The following TNR variants were observed in gnomAD, a reference collection of about 807,000 sequenced individuals.
TNR encodes the protein tenascin-R.
Under a neutral mutation model 150.4 loss-of-function variants are expected in TNR, and 45 were observed. The ratio of observed to expected loss-of-function variants is 0.30; its 90% CI spans 0.24 to 0.38. TNR has a LOEUF of 0.38. TNR is among the 10% of genes least tolerant of loss of function. The pLI is 1.00. For synonymous variants in TNR, 687 were observed against 678.4 expected (o/e 1.01, Z -0.20); for missense variants, 1,544 against 1,759.1 (o/e 0.88, Z 2.19).
rs1659851963 is a variant in TNR at position 175,526,500 on chromosome 1, T to C, written c.-64+1769A>G. On this transcript the variant is annotated intron_variant, in intron 2 of 22. Coordinates refer to ENST00000367674, the MANE Select transcript of TNR (RefSeq NM_003285.3). Reference sequence around the variant, plus strand: ...CTTATGGACACACACAAACCCAGTTTTAGGCTGCAAAACGGGAGAAAGTAG... The same window carrying C: ...CTTATGGACACACACAAACCCAGTTCTAGGCTGCAAAACGGGAGAAAGTAG... Among the ~76,000 whole-genome samples, 5 of 152,164 alleles carry C rather than the reference T, an allele frequency of 3.3e-5. No homozygotes were observed. In the South Asian group the frequency reaches 1.0e-3, roughly 32 times the overall value.
chr1:175,666,644 G>A (rs114653391), intron 1 of TNR, among the ~76,000 whole-genome samples: 2,851 of 152,328 alleles, frequency 0.019, 47 homozygotes, highest in Non-Finnish European at 0.029. Flanking sequence ...GGCTGGACCC[G>A]GGGTTGCCCC....
chr1:175,664,261 T>C (rs976330738), intron 1 of TNR, among the ~76,000 whole-genome samples: 3 of 152,192 alleles, frequency 2.0e-5, no homozygotes, highest in Non-Finnish European at 2.9e-5. Context: ...CCTGGGAGAA[T>C]AGGATGACCT....
At chr1:175,651,975 CA>C (rs1029205768) in intron 1 of TNR, among the ~76,000 whole-genome samples, 4 of 150,346 alleles carry the variant, frequency 2.7e-5, no homozygotes, top group Non-Finnish European at 5.9e-5. Flanking sequence ...TTAATATATT[CA>C]AAAAAGGCAT....
chr1:175,716,107 C>T (rs530334146), intron 1 of TNR, among the ~76,000 whole-genome samples: 1 of 152,300 alleles, frequency 6.6e-6, no homozygotes, highest in South Asian at 2.1e-4. Flanking sequence ...TGCTTCTAAG[C>T]TCCTCTTTGT....
intron 2 of TNR, among the ~76,000 whole-genome samples, chr1:175,492,595 T>C (rs1338006108): frequency 2.0e-5 from 3 of 152,140 alleles, no homozygotes; most frequent in East Asian, 1.9e-4. Context: ...CCTAAGTTGA[T>C]TTTTGGGGGG....
At chr1:175,626,704 G>A (rs1201785150) in intron 1 of TNR, among the ~76,000 whole-genome samples, 1 of 152,140 alleles carries the variant, frequency 6.6e-6, no homozygotes, top group African/African-American at 2.4e-5. Context: ...GTTACCTATT[G>A]TGGTAGATTC....
chr1:175,480,431 G>GAAAGAAAGAAAGAAAGAAAGAAAGAAAA (rs1435606440), intron 2 of TNR, among the ~76,000 whole-genome samples: 1 of 140,350 alleles, frequency 7.1e-6, no homozygotes, highest in African/African-American at 2.5e-5. Context: ...AAGAAAGAAA[G>GAAAGAAAGAAAGAAAGAAAGAAAGAAAA]AAAGAAAGAA....
chr1:175,446,964 G>T (rs372466891), intron 2 of TNR, among the ~76,000 whole-genome samples: 1 of 151,968 alleles, frequency 6.6e-6, no homozygotes, highest in Non-Finnish European at 1.5e-5. Flanking sequence ...AAATGTGTAC[G>T]TGTGTATGTG....
chr1:175,496,987 T>C (rs1011952146), intron 2 of TNR, among the ~76,000 whole-genome samples: 13 of 152,236 alleles, frequency 8.5e-5, no homozygotes, highest in Non-Finnish European at 1.5e-4. Flanking sequence ...CTTCAAGTCA[T>C]GCCTGTCCAG....
chr1:175,355,906 T>A (rs1651303056), intron 16 of TNR, among the ~76,000 whole-genome samples: 1 of 152,210 alleles, frequency 6.6e-6, no homozygotes, highest in Admixed American at 6.5e-5. Context: ...ATGCCTGAGA[T>A]CTGGACCCTG....
chr1:175,520,674 TTC>T (rs555130537), intron 2 of TNR, among the ~76,000 whole-genome samples: 13 of 150,672 alleles, frequency 8.6e-5, no homozygotes, highest in Admixed American at 1.3e-4. Context: ...TTTCCTGCTC[TTC>T]TCTCTCTCTC....
chr1:175,591,127 C>T (rs148797695), intron 1 of TNR, among the ~76,000 whole-genome samples: 159 of 152,278 alleles, frequency 1.0e-3, no homozygotes, highest in Middle Eastern at 3.4e-3. Context: ...ATCCTCCTGG[C>T]CACCTCCTCT....
At chr1:175,624,175 G>T (rs946572385) in intron 1 of TNR, among the ~76,000 whole-genome samples, 1 of 152,020 alleles carries the variant, frequency 6.6e-6, no homozygotes, top group African/African-American at 2.4e-5. Flanking sequence ...CTTACATGGT[G>T]GTACCTCTTA....
intron 1 of TNR, among the ~76,000 whole-genome samples, chr1:175,653,923 C>T (rs1038582807): frequency 6.6e-6 from 1 of 152,072 alleles, no homozygotes; most frequent in African/African-American, 2.4e-5. Context: ...GGAATATATA[C>T]CTCATTTTTG....
rs1275761670 is a variant in TNR at position 175,315,587 on chromosome 1, T to C, written c.*7770A>G. On this transcript the variant is annotated 3_prime_UTR_variant, in exon 23 of 23. Coordinates refer to ENST00000367674, the MANE Select transcript of TNR (RefSeq NM_003285.3). The stretch of plus-strand genomic sequence containing the variant: ...ATGACAAACTCAAATTCAAAGGGAT[T>C]GGAGGATTTGGTGTTTATGATTTCT... 1 of 152,152 alleles carries C rather than the reference T, an allele frequency of 6.6e-6. No homozygotes were observed. Among genetic ancestry groups the C allele is most frequent in the East Asian group, 1.9e-4 (1 of 5,188 alleles). 9.4% of individuals were successfully genotyped at this position (152,152 alleles called of 1,614,324 possible). A position where few individuals can be genotyped will look rare whatever the true frequency, so the allele number is the denominator to read the frequency against.
intron 1 of TNR, among the ~76,000 whole-genome samples, chr1:175,632,610 T>G (rs779342669): frequency 3.3e-5 from 5 of 152,198 alleles, no homozygotes; most frequent in Non-Finnish European, 5.9e-5. Flanking sequence ...TATCTAATAA[T>G]TTACAATAAG....
At chr1:175,601,156 A>G (rs555614698) in intron 1 of TNR, among the ~76,000 whole-genome samples, 64 of 152,306 alleles carry the variant, frequency 4.2e-4, no homozygotes, top group African/African-American at 1.5e-3. Flanking sequence ...TGTTTAGCTG[A>G]CTTTGACAGT....
chr1:175,647,031 G>T (rs950115049), intron 1 of TNR, among the ~76,000 whole-genome samples: 4 of 152,218 alleles, frequency 2.6e-5, no homozygotes, highest in African/African-American at 9.6e-5. Flanking sequence ...CACCAGCAGA[G>T]GCCAGCCCTG....
chr1:175,361,907 C>T (rs2102010831), intron 14 of TNR, among the ~76,000 whole-genome samples: 1 of 152,322 alleles, frequency 6.6e-6, no homozygotes, highest in East Asian at 1.9e-4. Flanking sequence ...AAGGAGCCTT[C>T]TCTTCAGCCC....
Sources: allele counts gnomAD v4.1 joint callset (sites outside exome capture counted in the v4.1 genomes callset), GRCh38; gene constraint gnomAD v4.1.1; transcripts MANE v1.5; gene names NCBI Gene and HGNC (gene_info 2026-07-23, HGNC 2026-07-21).